Variants in SLC35D2 observed in about 807,000 individuals in gnomAD.
The protein encoded by SLC35D2 is nucleotide sugar transporter SLC35D2.
Under a neutral mutation model 41.8 loss-of-function variants are expected in SLC35D2, and 43 were observed. The ratio of observed to expected loss-of-function variants is 1.03; its 90% confidence interval spans 0.81 to 1.33. The LOEUF (loss-of-function observed/expected upper bound fraction) is 1.33. Ranked by LOEUF, SLC35D2 falls within the 40% of genes most tolerant of loss-of-function variation. SLC35D2 has a pLI of 0.00. For synonymous variants in SLC35D2, 150 were observed against 163.9 expected (o/e 0.92, Z 0.65); for missense variants, 380 against 408.4 (o/e 0.93, Z 0.60).
chr9:96,349,373 G>T (rs1829715404), intron 6 of SLC35D2, among the ~76,000 whole-genome samples: 1 of 152,038 alleles, frequency 6.6e-6, no homozygotes, highest in African/African-American at 2.4e-5. Flanking sequence ...ACTCCCAAAA[G>T]CATTGTCCCC....
intron 3 of SLC35D2, among the ~76,000 whole-genome samples, chr9:96,362,875 T>G (rs117290762): frequency 0.029 from 4,392 of 151,406 alleles, 90 homozygotes; most frequent in Middle Eastern, 0.071. Context: ...GTTTTGTTTT[T>G]TTTTTTTTTG....
chr9:96,352,829 G>A (rs2130940116), intron 4 of SLC35D2, among the ~76,000 whole-genome samples: 1 of 152,108 alleles, frequency 6.6e-6, no homozygotes, highest in South Asian at 2.1e-4. Flanking sequence ...CTTGAGGTCA[G>A]GAGTTTGACA....
intron 8 of SLC35D2, among the ~76,000 whole-genome samples, chr9:96,341,529 T>C (rs544468059): frequency 5.4e-4 from 82 of 152,296 alleles, no homozygotes; most frequent in Non-Finnish European, 6.5e-4. Context: ...ACGATAGAAA[T>C]AGTAACAGGA....
At chr9:96,317,228 C>G (rs1587819743), downstream of SLC35D2, among the ~76,000 whole-genome samples, 3 of 152,002 alleles carry the variant, frequency 2.0e-5, no homozygotes, top group East Asian at 5.8e-4. Context: ...AAGAGGTGTG[C>G]AAAATATCAA....
chr9:96,325,735 G>C (rs1331993999), intron 9 of SLC35D2, among the ~76,000 whole-genome samples: 1 of 152,200 alleles, frequency 6.6e-6, no homozygotes, highest in Non-Finnish European at 1.5e-5. Context: ...CATTGACAGA[G>C]AGAAGTGAAC....
chr9:96,347,757 T>G (rs1829642872), intron 6 of SLC35D2, among the ~76,000 whole-genome samples: 1 of 151,952 alleles, frequency 6.6e-6, no homozygotes, highest in South Asian at 2.1e-4. Context: ...GCATTCTAAG[T>G]CACAGGATGA....
At chr9:96,378,663 T>C (rs1291524723) in intron 1 of SLC35D2, among the ~76,000 whole-genome samples, 3 of 152,126 alleles carry the variant, frequency 2.0e-5, no homozygotes, top group Non-Finnish European at 2.9e-5. Flanking sequence ...CTCAGCACTT[T>C]GGGAGGCTGA....
At chr9:96,336,332 G>A (rs1027403884) in intron 9 of SLC35D2, among the ~76,000 whole-genome samples, 1 of 152,096 alleles carries the variant, frequency 6.6e-6, no homozygotes, top group Non-Finnish European at 1.5e-5. Flanking sequence ...CTTGAGCCCA[G>A]GAGTTTGAGT....
chr9:96,327,762 C>T (rs1332085281), intron 9 of SLC35D2, among the ~76,000 whole-genome samples: 1 of 151,890 alleles, frequency 6.6e-6, no homozygotes, highest in African/African-American at 2.4e-5. Flanking sequence ...GCTGGGACTA[C>T]AGGTACACAT....
intron 3 of SLC35D2, among the ~76,000 whole-genome samples, chr9:96,363,720 G>A (rs1247945275): frequency 6.6e-6 from 1 of 152,198 alleles, no homozygotes; most frequent in Non-Finnish European, 1.5e-5. Context: ...ACAGAAATCA[G>A]TAAACTAGAG....
At chr9:96,324,437 G>A (rs1172371058) in intron 9 of SLC35D2, among the ~76,000 whole-genome samples, 1 of 152,084 alleles carries the variant, frequency 6.6e-6, no homozygotes, top group Non-Finnish European at 1.5e-5. Context: ...TCCACAACAT[G>A]GGAGTAAGGA....
At chr9:96,333,468 G>A (rs527964754) in intron 9 of SLC35D2, among the ~76,000 whole-genome samples, 6 of 151,772 alleles carry the variant, frequency 4.0e-5, no homozygotes, top group Admixed American at 2.6e-4. Context: ...GGTGGCGGGC[G>A]CCTGTAGTCC....
rs150139066 is a variant in SLC35D2, at chr9:96,378,188, C to A, written c.158+5289G>T. 4.4e-3 allele frequency among the ~76,000 whole-genome samples: 667 copies of A among 151,738 alleles called. 5 individuals carry two copies. Among genetic ancestry groups the A allele is most frequent in the African/African-American group, 0.016 (644 of 41,336 alleles). Reference sequence around the variant, plus strand: ...ATGGCTCATGCCTGTAATCCCAGCACTTTAGGAGGCCAAGCCAGGTGGACC... The same window carrying A: ...ATGGCTCATGCCTGTAATCCCAGCAATTTAGGAGGCCAAGCCAGGTGGACC... On this transcript the variant is annotated intron_variant, in intron 1 of 11. Transcript: ENST00000253270.
At chr9:96,330,993 G>A (rs1049046793) in intron 9 of SLC35D2, among the ~76,000 whole-genome samples, 2 of 152,150 alleles carry the variant, frequency 1.3e-5, no homozygotes, top group Non-Finnish European at 2.9e-5. Context: ...CACCTCCCAG[G>A]TTCAAGAGAT....
rs57501812 is a variant in SLC35D2, at chr9:96,340,619, C to CAAA, written c.684+3282_684+3284dup. Among the ~76,000 whole-genome samples, 114 of 35,380 alleles carry CAAA rather than the reference C, an allele frequency of 3.2e-3. 7 individuals are homozygous for CAAA. The highest frequency in any genetic ancestry group is 0.014 in the South Asian group (6 of 424). The allele number at this position is 35,380 out of a possible 152,430, so 23.2% of individuals were successfully genotyped here. ...TGGGCAACAGAGGGAGACTCCATCT[C>CAAA]AAAAAAAAAAAAAAAAAAAAAAAAA... On this transcript the variant is annotated intron_variant, in intron 8 of 11. Coordinates refer to ENST00000253270, the MANE Select transcript of SLC35D2 (RefSeq NM_007001.3).
At chr9:96,357,331 T>C (rs1830067907) in intron 4 of SLC35D2, 1 of 152,046 alleles carries the variant, frequency 6.6e-6, no homozygotes, top group Non-Finnish European at 1.5e-5. Flanking sequence ...AACATCCACA[T>C]GCAAAAAAAA....
chr9:96,379,186 A>G (rs1433089782), intron 1 of SLC35D2, among the ~76,000 whole-genome samples: 2 of 151,486 alleles, frequency 1.3e-5, no homozygotes, highest in Non-Finnish European at 2.9e-5. Flanking sequence ...ACACTCCTAT[A>G]GTCTCAGCTA....
chr9:96,323,632 A>G (rs993479489), intron 10 of SLC35D2, among the ~76,000 whole-genome samples: 10 of 152,186 alleles, frequency 6.6e-5, no homozygotes, highest in African/African-American at 2.2e-4. Context: ...ATAGATTAGA[A>G]GAAGTAAGAC....
chr9:96,327,333 C>T lies in SLC35D2; in HGVS notation c.753-3164G>A, dbSNP rs10124409. Among the ~76,000 whole-genome samples, 1,099 of 152,266 alleles carry T rather than the reference C, an allele frequency of 7.2e-3. 9 individuals carry two copies. Among genetic ancestry groups the T allele is most frequent in the African/African-American group, 0.025 (1,024 of 41,558 alleles). On this transcript the variant is annotated intron_variant, in intron 9 of 11. Transcript: ENST00000253270. ...AATGCCTGGGTTCAAGTGATCCTCCCGCCTGTCTTCCAAGTAGCTGGGACT... is the reference window on the plus strand; with the variant it reads ...AATGCCTGGGTTCAAGTGATCCTCCTGCCTGTCTTCCAAGTAGCTGGGACT...
Sources: gnomAD v4.1 joint callset for allele counts (sites outside exome capture counted in the v4.1 genomes callset) on GRCh38, gnomAD v4.1.1 for gene constraint, MANE v1.5 for transcripts, NCBI Gene and HGNC (gene_info 2026-07-23, HGNC 2026-07-21) for gene names.